The following EEPD1 variants were observed in gnomAD, a reference collection of about 807,000 sequenced individuals.
EEPD1 encodes the protein endonuclease/exonuclease/phosphatase family domain-containing protein 1.
A neutral mutation model predicts 46.3 loss-of-function variants in EEPD1; 17 were observed. The observed-to-expected ratio is 0.37, with a 90% CI of 0.25 to 0.55. The LOEUF is 0.55. EEPD1 is among the 20% of genes least tolerant of loss of function. The pLI is 0.83. For missense variants in EEPD1, 673 were observed against 745.6 expected (o/e 0.90, Z 1.13); for synonymous variants, 313 against 315.6 (o/e 0.99, Z 0.09).
At chr7:36,222,445 C>G (rs1786161634) in intron 2 of EEPD1, among the ~76,000 whole-genome samples, 1 of 152,108 alleles carries the variant, frequency 6.6e-6, no homozygotes, top group East Asian at 1.9e-4. Flanking sequence ...AGAAGAAAAT[C>G]CACCTGTAAG....
intron 2 of EEPD1, among the ~76,000 whole-genome samples, chr7:36,229,790 T>G (rs970163473): frequency 1.3e-5 from 2 of 152,144 alleles, no homozygotes; most frequent in Admixed American, 1.3e-4. Flanking sequence ...CCTTTGCCGC[T>G]TCCATAACAG....
Position 36,154,322 on chromosome 7 carries a change from A to G in EEPD1, c.-3A>G, listed in dbSNP as rs1583773970. ...CTTCCCGGGAGCCTGATCCTGGCGG[A>G]CCATGGGGAGCACCCTGGGCTGCCA... is the stretch of plus-strand genomic sequence containing the variant. On this transcript the variant is annotated 5_prime_UTR_variant, in exon 2 of 8. Coordinates refer to ENST00000242108, the MANE Select transcript of EEPD1 (RefSeq NM_030636.3). The surrounding 1 kb of genome is among the most constrained non-coding windows in gnomAD (Gnocchi z 4.2). 3 of 1,606,046 alleles carry G rather than the reference A, an allele frequency of 1.9e-6. No individual in the cohort carries two copies. The highest frequency in any genetic ancestry group is 1.1e-5 in the South Asian group (1 of 90,968).
At chr7:36,227,148 AATTTGAAAATCTG>A (rs1786244967) in intron 2 of EEPD1, among the ~76,000 whole-genome samples, 1 of 152,188 alleles carries the variant, frequency 6.6e-6, no homozygotes, top group African/African-American at 2.4e-5. Flanking sequence ...TTGTGCTCAA[AATTTGAAAATCTG>A]AATGGATTGG....
chr7:36,197,106 A>C (rs6462661), intron 2 of EEPD1, among the ~76,000 whole-genome samples: 1 of 136,084 alleles, frequency 7.3e-6, no homozygotes, highest in Non-Finnish European at 1.6e-5. Flanking sequence ...CGGCCGCCCC[A>C]TCTGAGAAGT....
At chr7:36,172,496 A>G (rs1785101663) in intron 2 of EEPD1, among the ~76,000 whole-genome samples, 1 of 151,996 alleles carries the variant, frequency 6.6e-6, no homozygotes, top group Non-Finnish European at 1.5e-5. Context: ...CTTCATCTGT[A>G]TCCTTTCCAG....
intron 2 of EEPD1, among the ~76,000 whole-genome samples, chr7:36,217,228 G>A (rs1179060695): frequency 6.6e-6 from 1 of 152,268 alleles, no homozygotes; most frequent in Non-Finnish European, 1.5e-5. Context: ...ACAAGGGGAG[G>A]ATTTTTCATG....
At chr7:36,260,518 G>A (rs1334752475) in intron 3 of EEPD1, among the ~76,000 whole-genome samples, 1 of 152,226 alleles carries the variant, frequency 6.6e-6, no homozygotes, top group Non-Finnish European at 1.5e-5. Flanking sequence ...CTTCTGAAGA[G>A]CAACTCATAC....
At chr7:36,269,730 T>C (rs1345193402) in intron 3 of EEPD1, among the ~76,000 whole-genome samples, 1 of 150,838 alleles carries the variant, frequency 6.6e-6, no homozygotes, top group African/African-American at 2.4e-5. Flanking sequence ...ATCCCATCTC[T>C]ATTCTAATTT....
intron 3 of EEPD1, among the ~76,000 whole-genome samples, chr7:36,280,699 C>T (rs1787247735): frequency 6.6e-6 from 1 of 151,882 alleles, no homozygotes; most frequent in South Asian, 2.1e-4. Context: ...TAAGCTGAGC[C>T]CTGAAGAAGA....
chr7:36,281,689 T>C (rs1787263413), intron 4 of EEPD1, among the ~76,000 whole-genome samples: 1 of 152,214 alleles, frequency 6.6e-6, no homozygotes, highest in South Asian at 2.1e-4. Flanking sequence ...TGGTTTTGAA[T>C]TTTCTTTCAT....
chr7:36,228,181 T>C (rs538966279), intron 2 of EEPD1, among the ~76,000 whole-genome samples: 2 of 152,172 alleles, frequency 1.3e-5, no homozygotes, highest in African/African-American at 4.8e-5. Context: ...TCTGGATTGA[T>C]GCCATTTGTG....
chr7:36,296,016 G>A (rs1381611964), intron 6 of EEPD1, among the ~76,000 whole-genome samples: 1 of 118,990 alleles, frequency 8.4e-6, no homozygotes, highest in African/African-American at 3.3e-5. Flanking sequence ...GGCCAACAGA[G>A]TGAGACTGTC....
intron 2 of EEPD1, among the ~76,000 whole-genome samples, chr7:36,191,711 G>C (rs1029685790): frequency 6.6e-6 from 1 of 152,236 alleles, no homozygotes; most frequent in Non-Finnish European, 1.5e-5. Flanking sequence ...CATCCCAGGA[G>C]GTGCAAATCT....
intron 3 of EEPD1, among the ~76,000 whole-genome samples, chr7:36,254,651 A>G (rs1236686741): frequency 2.0e-5 from 3 of 152,224 alleles, no homozygotes; most frequent in East Asian, 3.9e-4. Context: ...CCAGTAATGG[A>G]ATTACTGGGT....
chr7:36,262,828 C>T (rs996481886), intron 3 of EEPD1, among the ~76,000 whole-genome samples: 1 of 152,162 alleles, frequency 6.6e-6, no homozygotes, highest in Admixed American at 6.5e-5. Flanking sequence ...TCACCAGCTT[C>T]AGGTGTTTAT....
At chr7:36,227,577 A>G (rs553300882) in intron 2 of EEPD1, among the ~76,000 whole-genome samples, 1 of 152,352 alleles carries the variant, frequency 6.6e-6, no homozygotes, top group East Asian at 1.9e-4. Flanking sequence ...ACAGGCCTGC[A>G]TGTAACACCC....
At chr7:36,262,449 A>G (rs1786943086) in intron 3 of EEPD1, among the ~76,000 whole-genome samples, 2 of 152,208 alleles carry the variant, frequency 1.3e-5, no homozygotes, top group African/African-American at 4.8e-5. Flanking sequence ...TAGAGCAGGA[A>G]CAAAAGGAAG....
At chr7:36,246,022 A>T (rs1011997412) in intron 3 of EEPD1, among the ~76,000 whole-genome samples, 9 of 152,240 alleles carry the variant, frequency 5.9e-5, no homozygotes, top group Non-Finnish European at 8.8e-5. Context: ...ATTTAGAAAG[A>T]TCATTTTTCA....
chr7:36,221,616 T>G (rs1365623627), intron 2 of EEPD1, among the ~76,000 whole-genome samples: 1 of 152,188 alleles, frequency 6.6e-6, no homozygotes, highest in East Asian at 1.9e-4. Flanking sequence ...GGGTCAATCA[T>G]TTAGATCCTG....
Sources: gnomAD v4.1 joint callset for allele counts (sites outside exome capture counted in the v4.1 genomes callset) on GRCh38, gnomAD v4.1.1 for gene constraint, Gnocchi (gnomAD v3.1) non-coding constraint, MANE v1.5 for transcripts, NCBI Gene and HGNC (gene_info 2026-07-23, HGNC 2026-07-21) for gene names.